Variants in KLHL1 observed in about 807,000 individuals in gnomAD.
The protein encoded by KLHL1 is kelch-like protein 1.
KLHL1 carries 47 observed loss-of-function variants against 77.7 expected under a neutral mutation model. That is an observed-to-expected ratio of 0.60 (90% CI 0.48 to 0.77). The LOEUF (loss-of-function observed/expected upper bound fraction) is 0.77. Among genes scored for constraint, KLHL1 ranks in the 30% least tolerant of loss-of-function variants. The probability of loss-of-function intolerance (pLI) is 0.00; values close to 1 mark genes in which losing one functional copy is unlikely to be tolerated. For synonymous variants in KLHL1, 360 were observed against 325.2 expected, an observed-to-expected ratio of 1.11 and a Z score of -1.15; for missense variants, 925 against 910.8, an observed-to-expected ratio of 1.02 and a Z score of -0.20.
intron 4 of KLHL1, 121 bp downstream of exon 4, chr13:69,939,919 T>C (rs1883314872): frequency 1.6e-6 from 1 of 637,604 alleles, no homozygotes; most frequent in East Asian, 3.0e-5. Context: ...AACAAAAAAA[T>C]GTGCCAAGCA....
chr13:70,093,869 T>C (rs1411226496), intron 1 of KLHL1, among the ~76,000 whole-genome samples: 2 of 152,206 alleles, frequency 1.3e-5, no homozygotes, highest in Non-Finnish European at 2.9e-5. Flanking sequence ...TGTCTTATTA[T>C]ACACTTTATC....
At chr13:70,016,253 G>T (rs1431191086) in intron 1 of KLHL1, among the ~76,000 whole-genome samples, 1 of 152,204 alleles carries the variant, frequency 6.6e-6, no homozygotes, top group Admixed American at 6.5e-5. Flanking sequence ...CTGCAGTGAG[G>T]GCTGTGTGCT....
chr13:70,007,567 A>T (rs1885435211), intron 1 of KLHL1, among the ~76,000 whole-genome samples: 1 of 151,954 alleles, frequency 6.6e-6, no homozygotes, highest in East Asian at 1.9e-4. Context: ...AGACTTGAAG[A>T]GTTAGCTATA....
chr13:69,832,047 G>C lies in KLHL1; in HGVS notation c.1414+6929C>G, dbSNP rs1007948897. 7.3e-5 allele frequency among the ~76,000 whole-genome samples: 11 copies of C among 149,914 alleles called. 2 individuals carry two copies. Among genetic ancestry groups the C allele is most frequent in the African/African-American group, 2.8e-4 (11 of 39,928 alleles). On this transcript the variant is annotated intron_variant, in intron 6 of 10. Transcript: ENST00000377844. ...CCCCTGAGAAGTGGAACAAGGCAAG[G>C]ATGCCCATTTTTACCACTTGGATTC... is the stretch of plus-strand genomic sequence containing the variant.
At chr13:69,948,130 AAG>A (rs1157085516) in intron 3 of KLHL1, among the ~76,000 whole-genome samples, 2 of 152,114 alleles carry the variant, frequency 1.3e-5, no homozygotes, top group African/African-American at 4.8e-5. Flanking sequence ...CTCTCTTAGC[AAG>A]TCCAGAGGAA....
intron 1 of KLHL1, among the ~76,000 whole-genome samples, chr13:70,048,416 G>A (rs1223255923): frequency 6.6e-6 from 1 of 152,120 alleles, no homozygotes; most frequent in Non-Finnish European, 1.5e-5. Context: ...CATATTCTTT[G>A]GTAAGCAAGG....
intron 1 of KLHL1, among the ~76,000 whole-genome samples, chr13:70,047,811 T>C (rs1250962154): frequency 6.6e-6 from 1 of 152,204 alleles, no homozygotes; most frequent in African/African-American, 2.4e-5. Context: ...GCTTCTAAAC[T>C]TTTAAGCAGA....
chr13:69,925,116 G>A (rs1882770750), intron 4 of KLHL1, among the ~76,000 whole-genome samples: 1 of 152,038 alleles, frequency 6.6e-6, no homozygotes, highest in East Asian at 1.9e-4. Flanking sequence ...CAAAACTCAG[G>A]CAAAGGCACC....
chr13:69,783,849 G>C lies in KLHL1; in HGVS notation c.1639+12889C>G, dbSNP rs867784048. 7.3e-5 allele frequency among the ~76,000 whole-genome samples: 11 copies of C among 151,404 alleles called. No individual in the cohort carries two copies. The South Asian group carries it at 1.7e-3, about 23-fold the overall frequency. On this transcript the variant is annotated intron_variant, in intron 7 of 10. Transcript: ENST00000377844. ...AGAGAATGCCACAAAGATACTCCTC[G>C]AGAAGAGCAACTCCAAGACACATAA...
intron 10 of KLHL1, among the ~76,000 whole-genome samples, chr13:69,706,672 G>A (rs1200514654): frequency 6.6e-6 from 1 of 151,882 alleles, no homozygotes; most frequent in Admixed American, 6.6e-5. Context: ...TATTTGAACA[G>A]TATCTTACTT....
intron 8 of KLHL1, among the ~76,000 whole-genome samples, chr13:69,735,429 T>C (rs1423318151): frequency 6.6e-6 from 1 of 150,826 alleles, no homozygotes; most frequent in African/African-American, 2.4e-5. Flanking sequence ...TCCTTACTAG[T>C]TTATTAAATG....
intron 1 of KLHL1, among the ~76,000 whole-genome samples, chr13:70,025,264 G>T (rs547779956): frequency 6.6e-6 from 1 of 152,132 alleles, no homozygotes; most frequent in South Asian, 2.1e-4. Flanking sequence ...AGTATAATGT[G>T]CTGAAGAGGA....
chr13:69,975,484 A>T, intron 2 of KLHL1, 136 bp downstream of exon 2: 1 of 726,200 alleles, frequency 1.4e-6, no homozygotes, highest in Non-Finnish European at 2.2e-6. Flanking sequence ...AACAAAACAA[A>T]CAACAACAAC....
At chr13:69,919,943 C>T (rs1882578189) in intron 4 of KLHL1, among the ~76,000 whole-genome samples, 1 of 152,258 alleles carries the variant, frequency 6.6e-6, no homozygotes, top group African/African-American at 2.4e-5. Flanking sequence ...CATGTCTCCA[C>T]ATCAGAAGCC....
At chr13:69,840,725 T>G (rs1330047016) in intron 5 of KLHL1, among the ~76,000 whole-genome samples, 2 of 151,424 alleles carry the variant, frequency 1.3e-5, no homozygotes, top group East Asian at 3.9e-4. Context: ...TATGTATGTA[T>G]GTATGTATGT....
chr13:69,863,444 G>A (rs1246901818), intron 5 of KLHL1, among the ~76,000 whole-genome samples: 1 of 104,564 alleles, frequency 9.6e-6, no homozygotes, highest in African/African-American at 4.2e-5. Context: ...TCTCCTAGGA[G>A]AATTTGGTGT....
chr13:70,085,157 A>G (rs1366857438), intron 1 of KLHL1, among the ~76,000 whole-genome samples: 2 of 152,204 alleles, frequency 1.3e-5, no homozygotes, highest in African/African-American at 2.4e-5. Flanking sequence ...GAATGTATGC[A>G]TATCTCTTGA....
intron 3 of KLHL1, among the ~76,000 whole-genome samples, chr13:69,951,807 C>T (rs1420125139): frequency 6.6e-6 from 1 of 151,374 alleles, no homozygotes; most frequent in Non-Finnish European, 1.5e-5. Flanking sequence ...AACATTCATG[C>T]CTTTCTTGAA....
At chr13:69,717,410 A>G (rs777598962) in intron 9 of KLHL1, among the ~76,000 whole-genome samples, 5 of 152,168 alleles carry the variant, frequency 3.3e-5, no homozygotes, top group Non-Finnish European at 5.9e-5. Context: ...TCTGATGGGT[A>G]GTATGAGCTA....
Sources: gnomAD v4.1 joint callset for allele counts (sites outside exome capture counted in the v4.1 genomes callset) on GRCh38, gnomAD v4.1.1 for gene constraint, MANE v1.5 for transcripts, NCBI Gene and HGNC (gene_info 2026-07-23, HGNC 2026-07-21) for gene names.